The following GRIN2A variants were observed in gnomAD, a reference collection of about 807,000 sequenced individuals.
GRIN2A encodes the protein glutamate ionotropic receptor NMDA type subunit 2A, also known as glutamate receptor ionotropic, NMDA 2A.
A neutral mutation model predicts 113.4 loss-of-function variants in GRIN2A; 22 were observed. That is an observed-to-expected ratio of 0.19 (90% CI 0.14 to 0.28). The LOEUF (loss-of-function observed/expected upper bound fraction) is 0.28, where lower values mean the gene tolerates loss of function less well. GRIN2A is among the 10% of genes least tolerant of loss of function. The pLI is 1.00. For synonymous variants in GRIN2A, 827 were observed against 738.4 expected, an observed-to-expected ratio of 1.12 and a Z score of -1.94; for missense variants, 1,502 against 1,887.0, an observed-to-expected ratio of 0.80 and a Z score of 3.78.
chr16:9,844,547 C>T (rs1312603002), intron 5 of GRIN2A, among the ~76,000 whole-genome samples: 1 of 152,160 alleles, frequency 6.6e-6, no homozygotes, highest in Non-Finnish European at 1.5e-5. Flanking sequence ...GCTCCACCAC[C>T]ACCCAAGAGA....
intron 2 of GRIN2A, among the ~76,000 whole-genome samples, chr16:10,124,868 C>G (rs4782267): frequency 0.17 from 26,346 of 152,052 alleles, 2,385 homozygotes; most frequent in Admixed American, 0.19. Context: ...AGGACTGTCA[C>G]GAAGCCCTCT....
intron 2 of GRIN2A, among the ~76,000 whole-genome samples, chr16:10,136,722 A>C (rs185049372): frequency 6.6e-6 from 1 of 152,332 alleles, no homozygotes; most frequent in African/African-American, 2.4e-5. Context: ...GGTAATGATG[A>C]TGATGTTTAT....
chr16:10,092,987 C>T (rs112751843), intron 2 of GRIN2A, among the ~76,000 whole-genome samples: 12,198 of 151,892 alleles, frequency 0.08, 1,122 homozygotes, highest in African/African-American at 0.23. Flanking sequence ...TACAGGCACC[C>T]ACCACCATGC....
chr16:10,125,362 AG>A (rs2048912592), intron 2 of GRIN2A, among the ~76,000 whole-genome samples: 1 of 152,182 alleles, frequency 6.6e-6, no homozygotes, highest in African/African-American at 2.4e-5. Flanking sequence ...GGAAGTCCCA[AG>A]GGATGCTGGA....
intron 2 of GRIN2A, among the ~76,000 whole-genome samples, chr16:10,025,538 G>A (rs2046804449): frequency 6.6e-6 from 1 of 152,026 alleles, no homozygotes; most frequent in Admixed American, 6.6e-5. Context: ...CTAGGCTTAA[G>A]TGATCCTCCT....
At chr16:10,150,353 T>A (rs1596555700) in intron 2 of GRIN2A, among the ~76,000 whole-genome samples, 1 of 152,224 alleles carries the variant, frequency 6.6e-6, no homozygotes. Context: ...GTGGGTTTTA[T>A]AAGGTGGGAA....
rs1378330292 is a variant in GRIN2A at position 9,929,823 on chromosome 16, G to C, written c.1007+8136C>G. 2.0e-5 allele frequency among the ~76,000 whole-genome samples: 3 copies of C among 152,256 alleles called. No homozygotes were observed. The East Asian group carries it at 5.8e-4, about 29-fold the overall frequency. On this transcript the variant is annotated intron_variant, in intron 3 of 12. Coordinates refer to ENST00000330684, the MANE Select transcript of GRIN2A (RefSeq NM_001134407.3). ...CGGCATTCTGGTTCCAAAATCCTAA[G>C]ACTTACATCTGGCCTAAGGCAAATG...
chr16:9,976,685 A>T (rs1384146356), intron 2 of GRIN2A, among the ~76,000 whole-genome samples: 1 of 152,192 alleles, frequency 6.6e-6, no homozygotes, highest in Non-Finnish European at 1.5e-5. Flanking sequence ...AGAAAAATGA[A>T]AGCCGGCACT....
chr16:9,763,735 T>A lies in GRIN2A; in HGVS notation c.3809A>T (p.Asp1270Val), dbSNP rs750649530. ...TTGAAGGGCATTGTTCTGTGCCCAG[T>A]CCTGCTGGTAGACCTGCTCCCCGGT... Reference protein sequence around the residue: ...PATGEQVYQQDWAQNNALQLQ... With the variant: ...PATGEQVYQQVWAQNNALQLQ... Residue 1270 changes from aspartate to valine, a missense_variant, in exon 13 of 13, where the codon GAC (aspartate) becomes GTC (valine). Asp to Val is a radical substitution (Grantham distance 152). This residue lies in a region of GRIN2A where 832 missense variants were observed against 789.7 expected (regional missense o/e 1.05). Transcript: ENST00000330684. 34 of 1,614,054 alleles carry A rather than the reference T, an allele frequency of 2.1e-5. No individual in the cohort carries two copies. The highest frequency in any genetic ancestry group is 2.9e-5 in the Non-Finnish European group (34 of 1,180,006).
rs1374914329 is a variant in GRIN2A, at chr16:10,182,126, G to C, written c.-268C>G. 6.5e-6 allele frequency: 1 copy of C among 152,930 alleles called. No individual in the cohort carries two copies. The highest frequency in any genetic ancestry group is 1.5e-5 in the Non-Finnish European group (1 of 68,484). 9.5% of individuals were successfully genotyped at this position (152,930 alleles called of 1,614,324 possible). A position where few individuals can be genotyped will look rare whatever the true frequency, so the allele number is the denominator to read the frequency against. ...TCAGCCCACCAACGAGGGGAGGGAGGGTTGAGGGGAAGGCTGCAGTCTGCA... is the reference window on the plus strand; with the variant it reads ...TCAGCCCACCAACGAGGGGAGGGAGCGTTGAGGGGAAGGCTGCAGTCTGCA... On this transcript the variant is annotated 5_prime_UTR_variant, in exon 1 of 13. Coordinates refer to ENST00000330684, the MANE Select transcript of GRIN2A (RefSeq NM_001134407.3).
chr16:9,911,029 A>T (rs986036327), intron 3 of GRIN2A, among the ~76,000 whole-genome samples: 1 of 152,200 alleles, frequency 6.6e-6, no homozygotes, highest in African/African-American at 2.4e-5. Flanking sequence ...TAAAAAAAAA[A>T]AATCCATCTT....
chr16:10,088,428 C>T (rs1163579071), intron 2 of GRIN2A, among the ~76,000 whole-genome samples: 6 of 152,152 alleles, frequency 3.9e-5, no homozygotes, highest in African/African-American at 1.2e-4. Flanking sequence ...CCCCTGGCTG[C>T]GTCCTCACCT....
intron 3 of GRIN2A, among the ~76,000 whole-genome samples, chr16:9,929,941 G>A (rs2044550618): frequency 2.0e-5 from 3 of 152,156 alleles, no homozygotes; most frequent in Admixed American, 6.5e-5. Flanking sequence ...GTCCTCCCAA[G>A]CTGCCAGCAT....
intron 3 of GRIN2A, among the ~76,000 whole-genome samples, chr16:9,934,678 T>TTAAAA (rs1555455124): frequency 0.013 from 667 of 50,940 alleles, 54 homozygotes; most frequent in African/African-American, 0.033. Context: ...AGACTCTGTC[T>TTAAAA]AAAAAAAAAA....
intron 10 of GRIN2A, among the ~76,000 whole-genome samples, chr16:9,807,994 A>T (rs898147359): frequency 6.6e-6 from 1 of 152,228 alleles, no homozygotes; most frequent in South Asian, 2.1e-4. Context: ...ATGCTCTGAC[A>T]TAGGAACAGT....
chr16:9,937,774 A>C (rs73504624), intron 3 of GRIN2A, 185 bp downstream of exon 3: 1 of 614,266 alleles, frequency 1.6e-6, no homozygotes. Flanking sequence ...AACAAAGTCT[A>C]ATGTGACTTT....
chr16:10,124,376 G>A (rs1224093886), intron 2 of GRIN2A, among the ~76,000 whole-genome samples: 4 of 152,184 alleles, frequency 2.6e-5, no homozygotes, highest in African/African-American at 9.7e-5. Flanking sequence ...TGCAGTAGAT[G>A]CTCAATAACT....
At chr16:9,841,129 C>T (rs2042670453) in intron 5 of GRIN2A, 25 bp from the exon 6 acceptor site, 2 of 1,592,492 alleles carry the variant, frequency 1.3e-6, no homozygotes, top group African/African-American at 2.7e-5. Flanking sequence ...CCCAAGACCA[C>T]AGAATGTTAG....
intron 2 of GRIN2A, among the ~76,000 whole-genome samples, chr16:9,974,908 G>C (rs1004614246): frequency 1.4e-4 from 22 of 152,106 alleles, no homozygotes; most frequent in Non-Finnish European, 3.1e-4. Context: ...GAACATCTTT[G>C]TCTTGTTCCT....
Sources: allele counts gnomAD v4.1 joint callset (sites outside exome capture counted in the v4.1 genomes callset), GRCh38; gene constraint gnomAD v4.1.1; regional missense constraint gnomAD v4.1.1; transcripts MANE v1.5; gene names NCBI Gene and HGNC (gene_info 2026-07-23, HGNC 2026-07-21).